MARCHF8: variants seen among roughly 807,000 people sequenced by gnomAD.
The protein encoded by MARCHF8 is membrane associated ring-CH-type finger 8, also known as E3 ubiquitin-protein ligase MARCHF8.
In MARCHF8, 40 loss-of-function variants were observed where a neutral mutation model predicts 51.6. The observed-to-expected ratio is 0.77, with a 90% CI of 0.60 to 1.01. MARCHF8 has a LOEUF of 1.01. MARCHF8 is among the 50% of genes least tolerant of loss of function. The probability of loss-of-function intolerance (pLI) is 0.00; values close to 1 mark genes in which losing one functional copy is unlikely to be tolerated. For synonymous variants in MARCHF8, 263 were observed against 280.3 expected, an observed-to-expected ratio of 0.94 and a Z score of 0.62; for missense variants, 685 against 708.6, an observed-to-expected ratio of 0.97 and a Z score of 0.38.
chr10:45,561,436 G>A (rs539472429), intron 1 of MARCHF8, among the ~76,000 whole-genome samples: 12 of 151,350 alleles, frequency 7.9e-5, no homozygotes, highest in South Asian at 2.1e-4. Context: ...CACCACATCC[G>A]GCTAATTTTT....
intron 2 of MARCHF8, among the ~76,000 whole-genome samples, chr10:45,506,572 T>C (rs1291643081): frequency 6.6e-6 from 1 of 152,218 alleles, no homozygotes; most frequent in East Asian, 1.9e-4. Context: ...CTGGTATCAA[T>C]TTGAATTAAC....
intron 1 of MARCHF8, among the ~76,000 whole-genome samples, chr10:45,559,770 C>T (rs2044289166): frequency 1.3e-5 from 2 of 152,240 alleles, no homozygotes; most frequent in Non-Finnish European, 2.9e-5. Flanking sequence ...AGTTTTCATA[C>T]AAGTATGAAT....
intron 1 of MARCHF8, among the ~76,000 whole-genome samples, chr10:45,584,862 C>T (rs2044601646): frequency 1.3e-5 from 2 of 152,126 alleles, no homozygotes; most frequent in African/African-American, 4.8e-5. Context: ...GATCACAAGG[C>T]AAGAAATGTA....
chr10:45,572,154 G>T (rs182952073), intron 1 of MARCHF8, among the ~76,000 whole-genome samples: 2,770 of 130,388 alleles, frequency 0.021, 38 homozygotes, highest in Middle Eastern at 0.1. Flanking sequence ...TTCCTGGGGG[G>T]CAAGCACCCC....
At chr10:45,472,837 C>A (rs977711666) in intron 3 of MARCHF8, among the ~76,000 whole-genome samples, 1 of 152,200 alleles carries the variant, frequency 6.6e-6, no homozygotes. Context: ...TGTCAGGATT[C>A]GAGTGAGGCT....
At chr10:45,465,935 A>T (rs1183366112) in intron 3 of MARCHF8, among the ~76,000 whole-genome samples, 1 of 152,206 alleles carries the variant, frequency 6.6e-6, no homozygotes, top group Non-Finnish European at 1.5e-5. Context: ...TAACCCTCCC[A>T]TCACTACCTT....
At chr10:45,552,755 C>T (rs2044209558) in intron 1 of MARCHF8, among the ~76,000 whole-genome samples, 1 of 152,210 alleles carries the variant, frequency 6.6e-6, no homozygotes, top group Non-Finnish European at 1.5e-5. Context: ...AGAATGCTCA[C>T]ATTTAAGCTA....
intron 2 of MARCHF8, among the ~76,000 whole-genome samples, chr10:45,503,925 A>G (rs2043330469): frequency 6.6e-6 from 1 of 152,202 alleles, no homozygotes; most frequent in South Asian, 2.1e-4. Context: ...AAATAGGCAA[A>G]TCCACAAAGA....
chr10:45,544,978 T>C (rs2044102245), intron 1 of MARCHF8, among the ~76,000 whole-genome samples: 1 of 152,156 alleles, frequency 6.6e-6, no homozygotes, highest in African/African-American at 2.4e-5. Flanking sequence ...CCCAGCACCT[T>C]ACCATCACAG....
intron 2 of MARCHF8, among the ~76,000 whole-genome samples, chr10:45,497,914 C>G (rs1225166991): frequency 6.6e-6 from 1 of 152,178 alleles, no homozygotes; most frequent in African/African-American, 2.4e-5. Flanking sequence ...TGATTTTGGA[C>G]TTCTTGTCTC....
In MARCHF8 at chr10:45,563,329, G is replaced by A. The variant is rs114061640; in HGVS notation, c.-78-30040C>T. ...GCCGTGAGCCACTGCGCCCAGCCCC[G>A]ATTTTTCTTAAAGACAGGTTCTGCT... is the stretch of plus-strand genomic sequence containing the variant. On this transcript the variant is annotated intron_variant, in intron 1 of 6. Coordinates refer to the MARCHF8 transcript ENST00000319836. Among the ~76,000 whole-genome samples, 637 of 152,070 alleles carry A rather than the reference G, an allele frequency of 4.2e-3. 3 individuals are homozygous for A. The highest frequency in any genetic ancestry group is 0.015 in the African/African-American group (606 of 41,454).
intron 1 of MARCHF8, among the ~76,000 whole-genome samples, chr10:45,547,062 C>G (rs941214123): frequency 4.0e-5 from 6 of 151,496 alleles, no homozygotes; most frequent in South Asian, 2.1e-4. Context: ...GTCTCCCCAC[C>G]AAAAAAATTC....
chr10:45,538,673 T>C (rs2044008404), upstream of MARCHF8, among the ~76,000 whole-genome samples: 1 of 152,170 alleles, frequency 6.6e-6, no homozygotes. Flanking sequence ...AATCCTAGTC[T>C]CTGATAAAAC....
At chr10:45,491,309 G>A (rs1190414927) in intron 2 of MARCHF8, among the ~76,000 whole-genome samples, 3 of 152,280 alleles carry the variant, frequency 2.0e-5, no homozygotes, top group East Asian at 3.9e-4. Flanking sequence ...AGGCTGAGGC[G>A]GGCAGATTGC....
At chr10:45,562,011 T>C (rs992820318) in intron 1 of MARCHF8, among the ~76,000 whole-genome samples, 12 of 151,228 alleles carry the variant, frequency 7.9e-5, no homozygotes, top group South Asian at 6.3e-4. Context: ...AATCTAAGTA[T>C]TAAAATGAAA....
At chr10:45,576,669 C>G (rs577511231) in intron 1 of MARCHF8, among the ~76,000 whole-genome samples, 7 of 151,930 alleles carry the variant, frequency 4.6e-5, no homozygotes, top group Non-Finnish European at 8.8e-5. Context: ...AGCCTGTAAT[C>G]CTAGCACTCT....
At chr10:45,476,565 A>T (rs2042790991) in intron 3 of MARCHF8, among the ~76,000 whole-genome samples, 1 of 152,186 alleles carries the variant, frequency 6.6e-6, no homozygotes. Flanking sequence ...AAGATCCGGA[A>T]GCTCAGTGAG....
In MARCHF8 at chr10:45,527,209, A is replaced by G. The variant is rs1360249934; in HGVS notation, c.102+5901T>C. Among the ~76,000 whole-genome samples, 3 of 152,154 alleles carry G rather than the reference A, an allele frequency of 2.0e-5. No homozygotes were observed. The East Asian group carries it at 5.8e-4, about 29-fold the overall frequency. On this transcript the variant is annotated intron_variant, in intron 2 of 7. Coordinates refer to ENST00000453424, the MANE Select transcript of MARCHF8 (RefSeq NM_001282866.2). Reference sequence around the variant, plus strand: ...AATAGAAAGACCACAAGTTAACCTGACATAGTACCTCAAGGAACTAGAAAA... The same window carrying G: ...AATAGAAAGACCACAAGTTAACCTGGCATAGTACCTCAAGGAACTAGAAAA...
At chr10:45,540,309 G>C (rs1589162764), upstream of MARCHF8, among the ~76,000 whole-genome samples, 1 of 152,262 alleles carries the variant, frequency 6.6e-6, no homozygotes, top group Admixed American at 6.5e-5. Flanking sequence ...TATACCATAA[G>C]GCTTAGCCAC....
Sources: gnomAD v4.1 joint callset for allele counts (sites outside exome capture counted in the v4.1 genomes callset) on GRCh38, gnomAD v4.1.1 for gene constraint, MANE v1.5 for transcripts, NCBI Gene and HGNC (gene_info 2026-07-23, HGNC 2026-07-21) for gene names.